The following CDIN1 variants were observed in gnomAD, a reference collection of about 807,000 sequenced individuals.
CDIN1 encodes the protein CDAN1 interacting nuclease 1, also known as CDAN1-interacting nuclease 1.
Under a neutral mutation model 45.3 loss-of-function variants are expected in CDIN1, and 33 were observed. The observed-to-expected ratio is 0.73, with a 90% CI of 0.55 to 0.97. CDIN1 has a LOEUF of 0.97. CDIN1 is among the 50% of genes least tolerant of loss of function. CDIN1 has a pLI of 0.00. For synonymous variants in CDIN1, 118 were observed against 124.4 expected (o/e 0.95, Z 0.34); for missense variants, 303 against 339.4 (o/e 0.89, Z 0.84).
At chr15:36,736,163 C>G (rs981483750) in intron 10 of CDIN1, among the ~76,000 whole-genome samples, 6 of 152,180 alleles carry the variant, frequency 3.9e-5, no homozygotes, top group Non-Finnish European at 7.3e-5. Flanking sequence ...GTAGAGAACT[C>G]CCACATAGAA....
chr15:36,687,653 A>C (rs2042108292), intron 5 of CDIN1, among the ~76,000 whole-genome samples: 1 of 152,182 alleles, frequency 6.6e-6, no homozygotes, highest in Admixed American at 6.5e-5. Flanking sequence ...GCAGAATTAT[A>C]AGGAGAAACT....
chr15:36,806,911 A>G (rs1228689006), intron 10 of CDIN1, among the ~76,000 whole-genome samples: 4 of 152,094 alleles, frequency 2.6e-5, no homozygotes, highest in Non-Finnish European at 5.9e-5. Context: ...ACTGACCCCA[A>G]AGGAATCTCT....
intron 10 of CDIN1, among the ~76,000 whole-genome samples, chr15:36,737,113 A>G (rs1159646736): frequency 6.6e-6 from 1 of 150,658 alleles, no homozygotes; most frequent in Non-Finnish European, 1.5e-5. Flanking sequence ...GGTTGCAGTG[A>G]GCTGAGATTG....
chr15:36,623,821 GGTTCTT>G (rs2039307169), intron 1 of CDIN1, among the ~76,000 whole-genome samples: 1 of 152,174 alleles, frequency 6.6e-6, no homozygotes, highest in South Asian at 2.1e-4. Context: ...TTGACATACT[GGTTCTT>G]GAAAGTAATT....
At position 36,808,309 on chromosome 15, in the gene CDIN1, C is replaced by A; in HGVS notation, c.717-15C>A. On this transcript the variant is annotated splice_polypyrimidine_tract_variant and intron_variant, in intron 10 of 10. Coordinates refer to ENST00000566621, the MANE Select transcript of CDIN1 (RefSeq NM_001321759.2). Reference sequence around the variant, plus strand: ...TGATACCATGTGTGTGTGTTATTTTCTGGTGTTTTTACAGATTTGGGCCAG... The same window carrying A: ...TGATACCATGTGTGTGTGTTATTTTATGGTGTTTTTACAGATTTGGGCCAG... The A allele has an allele frequency of 6.2e-7, 1 of 1,612,870 alleles. No individual in the cohort carries two copies. Among genetic ancestry groups the A allele is most frequent in the East Asian group, 2.2e-5 (1 of 44,864 alleles).
At chr15:36,646,806 A>G (rs905530591) in intron 3 of CDIN1, among the ~76,000 whole-genome samples, 10 of 152,120 alleles carry the variant, frequency 6.6e-5, no homozygotes, top group African/African-American at 9.7e-5. Flanking sequence ...CTTTTCCTGG[A>G]AATTCGGAGA....
chr15:36,669,122 T>G (rs2041355746), intron 5 of CDIN1: 1 of 152,146 alleles, frequency 6.6e-6, no homozygotes, highest in Non-Finnish European at 1.5e-5. Flanking sequence ...TTAATTATGG[T>G]CTTATGAAAG....
intron 10 of CDIN1, among the ~76,000 whole-genome samples, chr15:36,788,085 T>C (rs981252031): frequency 2.3e-3 from 88 of 37,726 alleles, no homozygotes; most frequent in African/African-American, 9.3e-3. Context: ...CATATATATA[T>C]ATATATATAT....
At chr15:36,759,078 G>A (rs2053686467) in intron 10 of CDIN1, among the ~76,000 whole-genome samples, 1 of 152,096 alleles carries the variant, frequency 6.6e-6, no homozygotes, top group East Asian at 1.9e-4. Flanking sequence ...GTTGCCTGAG[G>A]GTTTCAGTGT....
intron 1 of CDIN1, among the ~76,000 whole-genome samples, chr15:36,588,415 ATTT>A (rs1195142744): frequency 6.6e-6 from 1 of 152,158 alleles, no homozygotes; most frequent in African/African-American, 2.4e-5. Context: ...ACTTCTGATA[ATTT>A]TGTGGTGGAC....
At chr15:36,708,776 C>A (rs1314695782) in intron 8 of CDIN1, 1 of 152,384 alleles carries the variant, frequency 6.6e-6, no homozygotes, top group Non-Finnish European at 1.5e-5. Flanking sequence ...CTAATTGAAA[C>A]TAAACTTTCG....
intron 5 of CDIN1, among the ~76,000 whole-genome samples, chr15:36,685,379 G>A (rs1270981590): frequency 6.6e-6 from 1 of 151,682 alleles, no homozygotes; most frequent in Non-Finnish European, 1.5e-5. Flanking sequence ...TTTCCATGTA[G>A]TTGAGCGGTT....
intron 10 of CDIN1, among the ~76,000 whole-genome samples, chr15:36,725,828 TATAAAA>T (rs2043602848): frequency 1.3e-5 from 2 of 151,942 alleles, no homozygotes; most frequent in Admixed American, 6.6e-5. Context: ...TTTCTATAAA[TATAAAA>T]GTAATAACCT....
chr15:36,744,007 T>A (rs868299787), intron 10 of CDIN1, among the ~76,000 whole-genome samples: 1 of 151,424 alleles, frequency 6.6e-6, no homozygotes, highest in South Asian at 2.1e-4. Flanking sequence ...AAAAAGTCTC[T>A]GAAAATTTTG....
At chr15:36,719,536 G>A (rs1001689541) in intron 10 of CDIN1, among the ~76,000 whole-genome samples, 8 of 151,976 alleles carry the variant, frequency 5.3e-5, no homozygotes, top group East Asian at 1.9e-4. Context: ...AATCTGTTAC[G>A]AATTTTTGCA....
chr15:36,598,610 A>T (rs539039483), intron 1 of CDIN1, among the ~76,000 whole-genome samples: 71 of 152,216 alleles, frequency 4.7e-4, no homozygotes, highest in African/African-American at 1.7e-3. Flanking sequence ...GAGAAAAGTG[A>T]TGAAAAAGAA....
At chr15:36,595,628 G>A (rs1415706295) in intron 1 of CDIN1, among the ~76,000 whole-genome samples, 3 of 95,024 alleles carry the variant, frequency 3.2e-5, no homozygotes, top group Non-Finnish European at 4.8e-5. Flanking sequence ...AATCGAGCCT[G>A]CAAAATATAT....
chr15:36,615,698 A>C (rs1334979670), intron 1 of CDIN1, among the ~76,000 whole-genome samples: 1 of 152,244 alleles, frequency 6.6e-6, no homozygotes, highest in African/African-American at 2.4e-5. Context: ...CAGCAGTGCG[A>C]GTCCCGCAAC....
At chr15:36,668,660 A>G (rs898506874) in intron 5 of CDIN1, among the ~76,000 whole-genome samples, 1 of 152,094 alleles carries the variant, frequency 6.6e-6, no homozygotes, top group Non-Finnish European at 1.5e-5. Context: ...ATATTGCCCA[A>G]GTGTTTAGCA....
Sources: gnomAD v4.1 joint callset for allele counts (sites outside exome capture counted in the v4.1 genomes callset) on GRCh38, gnomAD v4.1.1 for gene constraint, MANE v1.5 for transcripts, NCBI Gene and HGNC (gene_info 2026-07-23, HGNC 2026-07-21) for gene names.